Variants in MNAT1 observed in about 807,000 individuals in gnomAD.
MNAT1 encodes CDK-activating kinase assembly factor MAT1.
Under a neutral mutation model 42.0 loss-of-function variants are expected in MNAT1, and 43 were observed. The observed-to-expected ratio is 1.02, with a 90% CI of 0.80 to 1.32. The LOEUF is 1.32. Among genes scored for constraint, MNAT1 ranks in the 40% most tolerant of loss-of-function variants. The probability of loss-of-function intolerance (pLI) is 0.00; values close to 1 mark genes in which losing one functional copy is unlikely to be tolerated. For synonymous variants in MNAT1, 118 were observed against 120.0 expected (o/e 0.98, Z 0.11); for missense variants, 306 against 350.4 (o/e 0.87, Z 1.01).
chr14:60,891,417 A>G (rs1044437557), intron 7 of MNAT1, among the ~76,000 whole-genome samples: 4 of 149,210 alleles, frequency 2.7e-5, no homozygotes, highest in Admixed American at 1.3e-4. Flanking sequence ...CTTAAGTGTA[A>G]TGTTAGATTG....
At chr14:60,934,593 G>A (rs1446588919) in intron 7 of MNAT1, among the ~76,000 whole-genome samples, 3 of 152,098 alleles carry the variant, frequency 2.0e-5, no homozygotes, top group South Asian at 2.1e-4. Context: ...CTTGTCTGCC[G>A]CCATGTGAGA....
At chr14:60,802,805 G>A (rs2032247023) in intron 3 of MNAT1, among the ~76,000 whole-genome samples, 1 of 152,078 alleles carries the variant, frequency 6.6e-6, no homozygotes. Context: ...GTTTTGTTGG[G>A]TGAAGCGTTT....
At chr14:60,914,009 C>G (rs527661565) in intron 7 of MNAT1, among the ~76,000 whole-genome samples, 19 of 152,356 alleles carry the variant, frequency 1.2e-4, no homozygotes, top group East Asian at 5.8e-4. Context: ...TTTACCTACT[C>G]AAGCCTGAGC....
intron 1 of MNAT1, among the ~76,000 whole-genome samples, chr14:60,764,834 G>C (rs1268490893): frequency 6.6e-6 from 1 of 152,172 alleles, no homozygotes; most frequent in Non-Finnish European, 1.5e-5. Flanking sequence ...GGAAGTGTAA[G>C]TAGGAGTAAG....
chr14:60,902,259 G>T (rs1329072267), intron 7 of MNAT1, among the ~76,000 whole-genome samples: 1 of 151,990 alleles, frequency 6.6e-6, no homozygotes, highest in East Asian at 1.9e-4. Flanking sequence ...AACTACATTT[G>T]CAAAATCATT....
chr14:60,816,930 T>G (rs949695199), intron 5 of MNAT1, among the ~76,000 whole-genome samples: 1 of 151,980 alleles, frequency 6.6e-6, no homozygotes, highest in African/African-American at 2.4e-5. Context: ...CACTTTAACA[T>G]TCAGTTCCTT....
intron 1 of MNAT1, among the ~76,000 whole-genome samples, chr14:60,777,506 G>C (rs2031296248): frequency 6.6e-6 from 1 of 151,608 alleles, no homozygotes; most frequent in Admixed American, 6.6e-5. Context: ...CCAAATAAAG[G>C]TATTTGATTT....
chr14:60,910,792 G>T (rs1427740031), intron 7 of MNAT1, among the ~76,000 whole-genome samples: 8 of 151,856 alleles, frequency 5.3e-5, no homozygotes, highest in African/African-American at 1.2e-4. Context: ...TCTCTTTTTT[G>T]GTTGTGTCTC....
intron 7 of MNAT1, among the ~76,000 whole-genome samples, chr14:60,885,002 T>G (rs1320640511): frequency 6.6e-6 from 1 of 152,098 alleles, no homozygotes; most frequent in East Asian, 1.9e-4. Flanking sequence ...TTTTCCTTCA[T>G]GCCAGTCTCT....
chr14:60,767,756 A>G (rs112138886), intron 1 of MNAT1, among the ~76,000 whole-genome samples: 2 of 110,262 alleles, frequency 1.8e-5, no homozygotes, highest in African/African-American at 6.3e-5. Context: ...GCATGCCACC[A>G]CACTTGGCTA....
chr14:60,889,693 A>G (rs1453012291), intron 7 of MNAT1, among the ~76,000 whole-genome samples: 2 of 152,212 alleles, frequency 1.3e-5, no homozygotes, highest in Non-Finnish European at 2.9e-5. Flanking sequence ...AATTTTCACA[A>G]CCTACTCATC....
chr14:60,806,224 A>G (rs1372217654), intron 3 of MNAT1, among the ~76,000 whole-genome samples: 1 of 152,236 alleles, frequency 6.6e-6, no homozygotes, highest in Non-Finnish European at 1.5e-5. Context: ...GCGATATTAG[A>G]CAATGTATTG....
chr14:60,775,023 C>T (rs1260320647), intron 1 of MNAT1, among the ~76,000 whole-genome samples: 12 of 152,132 alleles, frequency 7.9e-5, no homozygotes, highest in African/African-American at 2.4e-5. Flanking sequence ...GGCACATTTA[C>T]AGCTGTTTAG....
At chr14:60,858,036 C>T (rs12434584) in intron 6 of MNAT1, among the ~76,000 whole-genome samples, 43,023 of 152,000 alleles carry the variant, frequency 0.28, 7,763 homozygotes, top group Admixed American at 0.43. Flanking sequence ...AGTAAACATA[C>T]GTGTGCATGT....
chr14:60,796,194 A>G, intron 1 of MNAT1, 23 bp from the exon 2 acceptor site: 3 of 1,596,680 alleles, frequency 1.9e-6, no homozygotes, highest in Non-Finnish European at 2.6e-6. Flanking sequence ...CTTAAATGTT[A>G]TGTTTTATTT....
chr14:60,909,029 A>G (rs1186636792), intron 7 of MNAT1, among the ~76,000 whole-genome samples: 1 of 152,132 alleles, frequency 6.6e-6, no homozygotes, highest in African/African-American at 2.4e-5. Flanking sequence ...CTGGTGTGAG[A>G]TGGTATCTCA....
At chr14:60,859,835 GA>G (rs1239940024) in intron 6 of MNAT1, among the ~76,000 whole-genome samples, 1 of 152,122 alleles carries the variant, frequency 6.6e-6, no homozygotes, top group Non-Finnish European at 1.5e-5. Context: ...GGTTTGAGTG[GA>G]GTGTTTTCAA....
chr14:60,823,590 G>T (rs2032967604), intron 6 of MNAT1, among the ~76,000 whole-genome samples: 2 of 152,142 alleles, frequency 1.3e-5, no homozygotes, highest in African/African-American at 4.8e-5. Context: ...TGGGCATGGT[G>T]GCTCACGCCT....
intron 7 of MNAT1, among the ~76,000 whole-genome samples, chr14:60,931,345 G>A (rs964883537): frequency 1.4e-4 from 21 of 152,154 alleles, no homozygotes; most frequent in Non-Finnish European, 2.8e-4. Context: ...GATTAAGGCA[G>A]CTGCTCAGGC....
Sources: allele counts gnomAD v4.1 joint callset (sites outside exome capture counted in the v4.1 genomes callset), GRCh38; gene constraint gnomAD v4.1.1; transcripts MANE v1.5; gene names NCBI Gene and HGNC (gene_info 2026-07-23, HGNC 2026-07-21).